The following USP32 variants were observed in gnomAD, a reference collection of about 807,000 sequenced individuals.
The protein encoded by USP32 is ubiquitin carboxyl-terminal hydrolase 32.
USP32 carries 59 observed loss-of-function variants against 204.8 expected under a neutral mutation model. That is an observed-to-expected ratio of 0.29 (90% CI 0.23 to 0.36). USP32 has a LOEUF of 0.36. Among genes scored for constraint, USP32 ranks in the 10% least tolerant of loss-of-function variants. The probability of loss-of-function intolerance (pLI) is 1.00; values close to 1 mark genes in which losing one functional copy is unlikely to be tolerated. For missense variants in USP32, 1,160 were observed against 1,946.4 expected (o/e 0.60, Z 7.60); for synonymous variants, 517 against 678.4 (o/e 0.76, Z 3.70).
chr17:60,306,560 C>T (rs1393207176), intron 2 of USP32, among the ~76,000 whole-genome samples: 1 of 151,994 alleles, frequency 6.6e-6, no homozygotes, highest in African/African-American at 2.4e-5. Flanking sequence ...ATCACTTGAA[C>T]CCGGAAGGCA....
chr17:60,258,028 T>G (rs2086358895), intron 9 of USP32: 1 of 157,614 alleles, frequency 6.3e-6, no homozygotes, highest in African/African-American at 2.4e-5. Context: ...CTGGCACAAA[T>G]GGAAGAAGAA....
rs114764221 is a variant in USP32 at position 60,237,215 on chromosome 17, G to A, written c.1137-975C>T. ...GAGTGCAGTGGTGCAATCTCAGCTC[G>A]CTGAAGCCTTGACCTCCTGGGCTCA... is the stretch of plus-strand genomic sequence containing the variant. On this transcript the variant is annotated intron_variant, in intron 11 of 33. Transcript: ENST00000300896. Among the ~76,000 whole-genome samples, 1,428 of 151,414 alleles carry A rather than the reference G, an allele frequency of 9.4e-3. 31 individuals are homozygous for A. The highest frequency in any genetic ancestry group is 0.033 in the African/African-American group (1,372 of 41,238).
chr17:60,316,412 G>T lies in USP32; in HGVS notation c.187-14708C>A, dbSNP rs892586278. Among the ~76,000 whole-genome samples the T allele has an allele frequency of 3.3e-5, 5 of 152,126 alleles. No homozygotes were observed. In the South Asian group the frequency reaches 6.2e-4, roughly 19 times the overall value. On this transcript the variant is annotated intron_variant, in intron 2 of 33. Coordinates refer to ENST00000300896, the MANE Select transcript of USP32 (RefSeq NM_032582.4). ...GTTTTTCTATTTTCATGTTGCAAGA[G>T]AATTTTTAATATAAATATGGGTATG...
chr17:60,250,949 C>CT (rs951336634), intron 11 of USP32, among the ~76,000 whole-genome samples: 2,015 of 143,688 alleles, frequency 0.014, 54 homozygotes, highest in African/African-American at 0.044. Context: ...CCTTTCTTTT[C>CT]TTTTTTTTTT....
In USP32 at chr17:60,238,442, C is replaced by T. The variant is rs12602468; in HGVS notation, c.1137-2202G>A. ...CAGCACTTTGGGAGGCTGAGGCAGGCGAATCGCTTGAGCCCAGGAGTTCAA... is the reference window on the plus strand; with the variant it reads ...CAGCACTTTGGGAGGCTGAGGCAGGTGAATCGCTTGAGCCCAGGAGTTCAA... On this transcript the variant is annotated intron_variant, in intron 11 of 33. Transcript: ENST00000300896. Among the ~76,000 whole-genome samples, 22 of 151,990 alleles carry T rather than the reference C, an allele frequency of 1.4e-4. No homozygotes were observed. The South Asian group carries it at 1.5e-3, about 10-fold the overall frequency.
At chr17:60,421,823 A>G (rs1382237887) in intron 1 of USP32, 1 of 979,562 alleles carries the variant, frequency 1.0e-6, no homozygotes, top group Non-Finnish European at 1.2e-6. Context: ...ACTTTCGCCG[A>G]CACCCGGCTC....
intron 1 of USP32, among the ~76,000 whole-genome samples, chr17:60,403,157 G>T (rs112518269): frequency 9.3e-4 from 141 of 152,058 alleles, no homozygotes; most frequent in African/African-American, 3.0e-3. Context: ...GTCTACAGGC[G>T]CGCGCCACCA....
chr17:60,417,934 C>T (rs948520104), intron 1 of USP32, among the ~76,000 whole-genome samples: 4 of 150,726 alleles, frequency 2.7e-5, no homozygotes, highest in African/African-American at 7.4e-5. Context: ...GGGCTACAGG[C>T]GTCCACCACC....
intron 3 of USP32, among the ~76,000 whole-genome samples, chr17:60,298,186 G>A (rs1293972683): frequency 1.3e-5 from 2 of 152,130 alleles, no homozygotes; most frequent in African/African-American, 4.8e-5. Context: ...GTATGCATGT[G>A]TCAGGAACCA....
intron 1 of USP32, 115 bp downstream of exon 1, chr17:60,391,767 C>T: frequency 8.1e-7 from 1 of 1,237,384 alleles, no homozygotes; most frequent in Non-Finnish European, 1.1e-6. Flanking sequence ...CCGCCTTTCC[C>T]TTCCGCCTCA....
At chr17:60,359,899 G>C (rs1202176541) in intron 1 of USP32, among the ~76,000 whole-genome samples, 1 of 143,828 alleles carries the variant, frequency 7.0e-6, no homozygotes, top group Non-Finnish European at 1.5e-5. Context: ...ATGGAGTCTT[G>C]CTTTGTTGCC....
intron 2 of USP32, among the ~76,000 whole-genome samples, chr17:60,312,799 C>A (rs1337623510): frequency 1.3e-5 from 2 of 152,122 alleles, no homozygotes; most frequent in Non-Finnish European, 2.9e-5. Flanking sequence ...AAAGATGAAA[C>A]ATGAATTCAC....
intron 27 of USP32, among the ~76,000 whole-genome samples, chr17:60,196,164 G>A (rs1286105869): frequency 6.6e-6 from 1 of 151,942 alleles, no homozygotes; most frequent in Non-Finnish European, 1.5e-5. Flanking sequence ...CTACTTGGGA[G>A]GCTGAGGCAG....
At chr17:60,244,766 G>A (rs1352172074) in intron 11 of USP32, among the ~76,000 whole-genome samples, 2 of 152,206 alleles carry the variant, frequency 1.3e-5, no homozygotes, top group Admixed American at 6.5e-5. Context: ...TGAATAGATA[G>A]GGTTACAGGC....
chr17:60,211,285 CT>C, intron 20 of USP32, 90 bp downstream of exon 20: 1 of 1,528,592 alleles, frequency 6.5e-7, no homozygotes, highest in South Asian at 1.3e-5. Flanking sequence ...TAAAATCTTT[CT>C]CCCACAGGGT....
intron 1 of USP32, among the ~76,000 whole-genome samples, chr17:60,413,539 A>G (rs1190322018): frequency 6.6e-6 from 1 of 152,188 alleles, no homozygotes; most frequent in Non-Finnish European, 1.5e-5. Context: ...TTAAGAGGCA[A>G]AGCTTTTGTC....
At chr17:60,313,496 C>T (rs2087903172) in intron 2 of USP32, among the ~76,000 whole-genome samples, 1 of 151,890 alleles carries the variant, frequency 6.6e-6, no homozygotes, top group African/African-American at 2.4e-5. Flanking sequence ...TAAAGGGCCC[C>T]TTGAAATTCT....
chr17:60,389,284 G>C (rs1395252446), intron 1 of USP32, among the ~76,000 whole-genome samples: 3 of 152,188 alleles, frequency 2.0e-5, no homozygotes, highest in Non-Finnish European at 4.4e-5. Context: ...TGGCTCACCT[G>C]TAATCCCAGC....
rs934288834 is a variant in USP32 at position 60,217,230 on chromosome 17, A to G, written c.1867+2440T>C. ...ATAGAAGCAGCAAAAATCTAGGATCAGCACAAGAGTTACAAAGAATACCTA... is the reference window on the plus strand; with the variant it reads ...ATAGAAGCAGCAAAAATCTAGGATCGGCACAAGAGTTACAAAGAATACCTA... On this transcript the variant is annotated intron_variant, in intron 16 of 33. Coordinates refer to ENST00000300896, the MANE Select transcript of USP32 (RefSeq NM_032582.4). Among the ~76,000 whole-genome samples, 215 of 152,320 alleles carry G rather than the reference A, an allele frequency of 1.4e-3. 1 individual carries two copies. Among genetic ancestry groups the G allele is most frequent in the African/African-American group, 4.8e-3 (200 of 41,580 alleles).
Sources: gnomAD v4.1 joint callset for allele counts (sites outside exome capture counted in the v4.1 genomes callset) on GRCh38, gnomAD v4.1.1 for gene constraint, MANE v1.5 for transcripts, NCBI Gene and HGNC (gene_info 2026-07-23, HGNC 2026-07-21) for gene names.